Variants in DYNC1LI1 observed in about 807,000 individuals in gnomAD.
DYNC1LI1 encodes dynein cytoplasmic 1 light intermediate chain 1, also known as cytoplasmic dynein 1 light intermediate chain 1.
In DYNC1LI1, 19 loss-of-function variants were observed where a neutral mutation model predicts 63.8. The observed-to-expected ratio is 0.30, with a 90% CI of 0.21 to 0.44. The LOEUF is 0.44. Among genes scored for constraint, DYNC1LI1 ranks in the 20% least tolerant of loss-of-function variants. The pLI, the probability that DYNC1LI1 is intolerant of heterozygous loss-of-function variation, is 1.00. For missense variants in DYNC1LI1, 565 were observed against 630.2 expected (o/e 0.90, Z 1.11); for synonymous variants, 225 against 232.3 (o/e 0.97, Z 0.28).
chr3:32,547,933 A>G (rs1374450181), intron 2 of DYNC1LI1, among the ~76,000 whole-genome samples: 1 of 152,156 alleles, frequency 6.6e-6, no homozygotes, highest in Non-Finnish European at 1.5e-5. Flanking sequence ...ACATATGTAC[A>G]TAATAGTATT....
chr3:32,570,070 G>T, intron 2 of DYNC1LI1: 1 of 568,980 alleles, frequency 1.8e-6, no homozygotes, highest in Non-Finnish European at 3.2e-6. Context: ...TCAGATGAGC[G>T]ATCGAATTCT....
At chr3:32,552,943 CCT>C (rs1484187057) in intron 2 of DYNC1LI1, among the ~76,000 whole-genome samples, 1 of 152,164 alleles carries the variant, frequency 6.6e-6, no homozygotes, top group Non-Finnish European at 1.5e-5. Flanking sequence ...GATCTGCCTG[CCT>C]CGGCCTCCCA....
rs3836420 is a variant in DYNC1LI1, at chr3:32,526,653, CCACA to C, written c.*142_*145del. ...ACGGCTCCTTCTAAAAAATGGGTAA[CCACA>C]CACACACACACACACACACACGACA... On this transcript the variant is annotated 3_prime_UTR_variant, in exon 13 of 13. Transcript: ENST00000273130. 1,330 of 495,452 alleles carry C rather than the reference CCACA, an allele frequency of 2.7e-3. No individual in the cohort carries two copies. The highest frequency in any genetic ancestry group is 6.4e-3 in the South Asian group (194 of 30,204). 30.7% of individuals were successfully genotyped at this position (495,452 alleles called of 1,614,324 possible).
chr3:32,552,316 T>C (rs1265457733), intron 2 of DYNC1LI1, among the ~76,000 whole-genome samples: 1 of 152,138 alleles, frequency 6.6e-6, no homozygotes, highest in Non-Finnish European at 1.5e-5. Context: ...TCTCACTCTG[T>C]TATCTTTCTT....
chr3:32,547,364 T>C (rs967747335), intron 2 of DYNC1LI1, among the ~76,000 whole-genome samples: 1 of 152,242 alleles, frequency 6.6e-6, no homozygotes, highest in Non-Finnish European at 1.5e-5. Context: ...ATCATAGTAA[T>C]AGTATTTATA....
At chr3:32,558,152 G>C (rs1302714468) in intron 2 of DYNC1LI1, among the ~76,000 whole-genome samples, 1 of 152,010 alleles carries the variant, frequency 6.6e-6, no homozygotes, top group Non-Finnish European at 1.5e-5. Context: ...GAGATCACCT[G>C]AGCCCAGGAG....
intron 3 of DYNC1LI1, 141 bp downstream of exon 3, chr3:32,545,708 T>A (rs1181350998): frequency 2.8e-6 from 2 of 704,980 alleles, no homozygotes; most frequent in Non-Finnish European, 5.0e-6. Context: ...AAAGTATGGC[T>A]AAACATAGCT....
At chr3:32,531,753 T>C (rs923353496) in intron 8 of DYNC1LI1, 2 of 152,152 alleles carry the variant, frequency 1.3e-5, no homozygotes, top group African/African-American at 4.8e-5. Flanking sequence ...AAGACTCTTA[T>C]ATGCTAAATA....
intron 2 of DYNC1LI1, among the ~76,000 whole-genome samples, chr3:32,550,472 T>C (rs2125440326): frequency 6.6e-6 from 1 of 152,292 alleles, no homozygotes; most frequent in East Asian, 1.9e-4. Context: ...AATCTAACTA[T>C]ATAGGCTCAC....
intron 6 of DYNC1LI1, among the ~76,000 whole-genome samples, chr3:32,536,663 A>G (rs1007115396): frequency 6.6e-6 from 1 of 152,158 alleles, no homozygotes; most frequent in Non-Finnish European, 1.5e-5. Flanking sequence ...AACACAAAAA[A>G]CACAATACTG....
intron 2 of DYNC1LI1, among the ~76,000 whole-genome samples, chr3:32,548,900 T>C (rs895686211): frequency 8.5e-5 from 13 of 152,156 alleles, no homozygotes; most frequent in Non-Finnish European, 1.5e-5. Flanking sequence ...ACTAAATTTG[T>C]ATTTTTCAGT....
At chr3:32,548,151 G>A (rs1412159274) in intron 2 of DYNC1LI1, among the ~76,000 whole-genome samples, 1 of 151,896 alleles carries the variant, frequency 6.6e-6, no homozygotes, top group African/African-American at 2.4e-5. Flanking sequence ...CAACCCACTG[G>A]GCTGTGGACC....
chr3:32,569,416 G>A (rs1698310484), intron 2 of DYNC1LI1, among the ~76,000 whole-genome samples: 1 of 151,970 alleles, frequency 6.6e-6, no homozygotes. Flanking sequence ...AGTAGTATTT[G>A]ACTTCTTGTT....
At chr3:32,534,032 A>G (rs1413079263) in intron 7 of DYNC1LI1, among the ~76,000 whole-genome samples, 1 of 151,872 alleles carries the variant, frequency 6.6e-6, no homozygotes, top group African/African-American at 2.4e-5. Context: ...GTGCACCACC[A>G]CACCCGGGCT....
chr3:32,564,065 C>T lies in DYNC1LI1; in HGVS notation c.220+6281G>A, dbSNP rs1575160964. On this transcript the variant is annotated intron_variant, in intron 2 of 12. Coordinates refer to ENST00000273130, the MANE Select transcript of DYNC1LI1 (RefSeq NM_016141.4). ...CCTATAACCCCAGTGATTCAGGAGACTGAGGTGGGAGGATCACTTTAGCCC... is the reference window on the plus strand; with the variant it reads ...CCTATAACCCCAGTGATTCAGGAGATTGAGGTGGGAGGATCACTTTAGCCC... Among the ~76,000 whole-genome samples, 3 of 152,328 alleles carry T rather than the reference C, an allele frequency of 2.0e-5. No individual in the cohort carries two copies. In the East Asian group the frequency reaches 5.8e-4, roughly 29 times the overall value.
At chr3:32,533,357 G>T (rs1332809140) in intron 7 of DYNC1LI1, among the ~76,000 whole-genome samples, 1 of 152,136 alleles carries the variant, frequency 6.6e-6, no homozygotes, top group Non-Finnish European at 1.5e-5. Context: ...TGCACCTGTA[G>T]TCCCAGCTAC....
At chr3:32,528,208 C>T (rs1697648756) in intron 12 of DYNC1LI1, among the ~76,000 whole-genome samples, 1 of 141,786 alleles carries the variant, frequency 7.1e-6, no homozygotes, top group Non-Finnish European at 1.5e-5. Flanking sequence ...TAAAGCCATA[C>T]ATTGTATGAC....
At chr3:32,546,339 C>T (rs908106308) in intron 2 of DYNC1LI1, among the ~76,000 whole-genome samples, 22 of 151,770 alleles carry the variant, frequency 1.4e-4, no homozygotes, top group African/African-American at 4.8e-4. Flanking sequence ...ACCTGGGAGG[C>T]GGAGGTTGCA....
At chr3:32,566,293 G>A (rs1698258914) in intron 2 of DYNC1LI1, among the ~76,000 whole-genome samples, 1 of 151,956 alleles carries the variant, frequency 6.6e-6, no homozygotes. Flanking sequence ...TTCTGTGTCT[G>A]TTTCCTGATC....
Sources: allele counts gnomAD v4.1 joint callset (sites outside exome capture counted in the v4.1 genomes callset), GRCh38; gene constraint gnomAD v4.1.1; transcripts MANE v1.5; gene names NCBI Gene and HGNC (gene_info 2026-07-23, HGNC 2026-07-21).